Variants in HERC2 observed in about 807,000 individuals in gnomAD.
HERC2 encodes the protein HECT and RLD domain containing E3 ubiquitin protein ligase 2.
In HERC2, 102 loss-of-function variants were observed where a neutral mutation model predicts 537.7. That is an observed-to-expected ratio of 0.19 (90% confidence interval 0.16 to 0.22). The LOEUF is 0.22. Ranked by LOEUF, HERC2 falls within the 10% of genes least tolerant of loss-of-function variation. The probability of loss-of-function intolerance (pLI) is 1.00; values close to 1 mark genes in which losing one functional copy is unlikely to be tolerated. For synonymous variants in HERC2, 2,224 were observed against 2,466.2 expected, an observed-to-expected ratio of 0.90 and a Z score of 2.91; for missense variants, 4,236 against 6,198.2, an observed-to-expected ratio of 0.68 and a Z score of 10.63.
At chr15:28,143,022 C>T (rs879038315) in intron 74 of HERC2, 70 bp from the exon 75 acceptor site, 3 of 1,485,326 alleles carry the variant, frequency 2.0e-6, no homozygotes, top group East Asian at 2.3e-5. Context: ...TTTGTTTCTA[C>T]CGTCAAATGT....
chr15:28,146,109 G>C (rs1158912411), intron 71 of HERC2, 128 bp downstream of exon 71: 2 of 663,590 alleles, frequency 3.0e-6, no homozygotes, highest in African/African-American at 3.6e-5. Context: ...CAGCTGAATA[G>C]CATATTGTCC....
At chr15:28,215,954 C>T (rs1870591832) in intron 38 of HERC2, 152 bp from the exon 39 acceptor site, 1 of 606,420 alleles carries the variant, frequency 1.6e-6, no homozygotes, top group African/African-American at 1.9e-5. Flanking sequence ...CAAACTAATT[C>T]AAAGTGAGAA....
rs751800090 is a variant in HERC2 at position 28,124,160 on chromosome 15, G to A, written c.13065C>T (p.His4355=). ...ALRNRLLLLH[H]LSELFCPCIP... is the part of the protein sequence containing the mutation. ...TGCAGGGGCAGAAGAGCTCGGAGAG[G>A]TGGTGCAGCAGCAGCAGACGGTTCC... Residue 4355 remains histidine (H), a synonymous_variant, in exon 85 of 93, where the codon CAC becomes CAT. Transcript: ENST00000261609. 2 of 1,588,980 alleles carry A rather than the reference G, an allele frequency of 1.3e-6. No homozygotes were observed. The highest frequency in any genetic ancestry group is 4.7e-5 in the East Asian group (2 of 42,858).
chr15:28,190,803 G>C, intron 55 of HERC2, 162 bp downstream of exon 55: 1 of 617,616 alleles, frequency 1.6e-6, no homozygotes, highest in Non-Finnish European at 2.9e-6. Flanking sequence ...AAATTCAGTT[G>C]TACAAAATAA....
chr15:28,187,319 C>T (rs1039729948), intron 55 of HERC2, among the ~76,000 whole-genome samples: 1 of 151,380 alleles, frequency 6.6e-6, no homozygotes, highest in Non-Finnish European at 1.5e-5. Context: ...TTAAGGAGGT[C>T]TGGTTTTTTT....
intron 12 of HERC2, among the ~76,000 whole-genome samples, chr15:28,266,838 G>A (rs544509434): frequency 1.3e-5 from 2 of 152,246 alleles, no homozygotes; most frequent in South Asian, 4.2e-4. Flanking sequence ...TCTTGATGGT[G>A]GTGACCCAAC....
intron 37 of HERC2, among the ~76,000 whole-genome samples, chr15:28,218,920 C>T (rs935797280): frequency 1.3e-5 from 2 of 152,022 alleles, no homozygotes; most frequent in African/African-American, 2.4e-5. Context: ...GCTTTGACCT[C>T]GCAGGGTAAG....
intron 2 of HERC2, among the ~76,000 whole-genome samples, chr15:28,317,259 T>C (rs756284560): frequency 1.2e-4 from 18 of 152,194 alleles, no homozygotes; most frequent in Non-Finnish European, 2.1e-4. Flanking sequence ...CCTGACTCTT[T>C]TGTATTTTTA....
intron 2 of HERC2, among the ~76,000 whole-genome samples, chr15:28,307,512 A>C (rs1192433786): frequency 1.3e-5 from 2 of 152,278 alleles, no homozygotes; most frequent in African/African-American, 4.8e-5. Flanking sequence ...GTACTGCTTT[A>C]ACTATATCCC....
intron 20 of HERC2, among the ~76,000 whole-genome samples, chr15:28,251,526 C>T (rs1375933919): frequency 6.8e-6 from 1 of 146,956 alleles, no homozygotes; most frequent in Non-Finnish European, 1.5e-5. Flanking sequence ...AATGGCCAGG[C>T]GCGGTGGCTC....
intron 65 of HERC2, among the ~76,000 whole-genome samples, 171 bp from the exon 66 acceptor site, chr15:28,169,826 T>C (rs1419190225): frequency 6.6e-6 from 1 of 152,164 alleles, no homozygotes; most frequent in Non-Finnish European, 1.5e-5. Context: ...AAACCACTTA[T>C]CCATACTTCG....
chr15:28,132,846 CAAA>C lies in HERC2; in HGVS notation c.12231-19_12231-17del. 6.6e-7 allele frequency: 1 copy of C among 1,517,522 alleles called. No homozygotes were observed. Among genetic ancestry groups the C allele is most frequent in the Non-Finnish European group, 8.9e-7 (1 of 1,127,934 alleles). The allele number at this position is 1,517,522 out of a possible 1,614,324, so 94.0% of individuals were successfully genotyped here. A position where few individuals can be genotyped will look rare whatever the true frequency, so the allele number is the denominator to read the frequency against. On this transcript the variant is annotated splice_polypyrimidine_tract_variant and intron_variant, in intron 79 of 92. Transcript: ENST00000261609. Reference sequence around the variant, plus strand: ...GTCACACGGACTGCAAAAAAGTCACCAAATATAATGGAAACACATTTTTATTCT... The same window carrying C: ...GTCACACGGACTGCAAAAAAGTCACCTATAATGGAAACACATTTTTATTCT...
At chr15:28,271,349 A>T (rs1239319870) in intron 9 of HERC2, among the ~76,000 whole-genome samples, 1 of 152,240 alleles carries the variant, frequency 6.6e-6, no homozygotes, top group African/African-American at 2.4e-5. Flanking sequence ...GAAGAGCCCT[A>T]TTATCATTAG....
chr15:28,272,146 G>A (rs2075747691), intron 9 of HERC2, 69 bp downstream of exon 9: 2 of 1,368,074 alleles, frequency 1.5e-6, no homozygotes, highest in South Asian at 2.8e-5. Context: ...TGACATGCAT[G>A]CTAGTCTTGC....
chr15:28,194,744 T>G (rs895054061), intron 52 of HERC2, among the ~76,000 whole-genome samples: 3 of 152,140 alleles, frequency 2.0e-5, no homozygotes, highest in Non-Finnish European at 2.9e-5. Context: ...TTCTGTTAGA[T>G]ATGTATTTAT....
At chr15:28,136,320 TGC>T (rs1890629737) in intron 78 of HERC2, among the ~76,000 whole-genome samples, 5 of 78,910 alleles carry the variant, frequency 6.3e-5, no homozygotes, top group East Asian at 5.6e-4. Flanking sequence ...AACGTGCTGC[TGC>T]ACTGACATAA....
At chr15:28,255,013 C>T (rs1053004299) in intron 19 of HERC2, among the ~76,000 whole-genome samples, 1 of 152,218 alleles carries the variant, frequency 6.6e-6, no homozygotes, top group Admixed American at 6.5e-5. Context: ...TACTTGTACA[C>T]AGCACAACCG....
At chr15:28,214,877 T>A (rs1367684897) in intron 39 of HERC2, 75 bp from the exon 40 acceptor site, 1 of 1,281,872 alleles carries the variant, frequency 7.8e-7, no homozygotes, top group Non-Finnish European at 1.1e-6. Flanking sequence ...TATTTTTTTA[T>A]TTTTTATTTT....
rs186977469 is a variant in HERC2, at chr15:28,296,206, T to G, written c.188-3184A>C. On this transcript the variant is annotated intron_variant, in intron 3 of 92. Coordinates refer to ENST00000261609, the MANE Select transcript of HERC2 (RefSeq NM_004667.6). ...TTCATCAAATGTGGGCCGGGCATGG[T>G]GGCTCACACCTGTAAACCCCACACT... 4.5e-3 allele frequency among the ~76,000 whole-genome samples: 681 copies of G among 152,266 alleles called. 1 individual carries two copies. The highest frequency in any genetic ancestry group is 0.016 in the African/African-American group (650 of 41,548).
Sources: allele counts gnomAD v4.1 joint callset (sites outside exome capture counted in the v4.1 genomes callset), GRCh38; gene constraint gnomAD v4.1.1; transcripts MANE v1.5; gene names NCBI Gene and HGNC (gene_info 2026-07-23, HGNC 2026-07-21).